Variants in USP15 observed in about 807,000 individuals in gnomAD.
USP15 encodes the protein ubiquitin carboxyl-terminal hydrolase 15.
A neutral mutation model predicts 127.1 loss-of-function variants in USP15; 18 were observed. The ratio of observed to expected loss-of-function variants is 0.14; its 90% CI spans 0.10 to 0.21. The LOEUF (loss-of-function observed/expected upper bound fraction) is 0.21. Among genes scored for constraint, USP15 ranks in the 10% least tolerant of loss-of-function variants. USP15 has a pLI of 1.00. For missense variants in USP15, 805 were observed against 1,159.9 expected (o/e 0.69, Z 4.44); for synonymous variants, 364 against 393.7 (o/e 0.92, Z 0.89).
Position 62,389,453 on chromosome 12 carries a change from T to C in USP15, c.1496T>C (p.Ile499Thr), listed in dbSNP as rs749715727. The C allele has an allele frequency of 2.5e-6, 4 of 1,611,934 alleles. No homozygotes were observed. Among genetic ancestry groups the C allele is most frequent in the African/African-American group, 1.3e-5 (1 of 74,818 alleles). ...PMQYKVVVPK[I>T]GNILDLCTAL... ...TAGTACAAAGTGGTTGTCCCCAAAA[T>C]TGGAAACATATTAGATCTTTGTACA... is the stretch of plus-strand genomic sequence containing the variant. Residue 499 changes from isoleucine (I) to threonine (T), a missense_variant, in exon 12 of 22, where the codon ATT (isoleucine) becomes ACT (threonine). Transcript: ENST00000280377.
At chr12:62,320,716 G>T (rs1455809609) in intron 4 of USP15, among the ~76,000 whole-genome samples, 1 of 151,898 alleles carries the variant, frequency 6.6e-6, no homozygotes, top group South Asian at 2.1e-4. Flanking sequence ...GATAGATGTG[G>T]GTTTTCATAT....
chr12:62,370,087 G>C (rs557119055), intron 8 of USP15, among the ~76,000 whole-genome samples: 1 of 152,226 alleles, frequency 6.6e-6, no homozygotes, highest in African/African-American at 2.4e-5. Flanking sequence ...CGATTCTCCT[G>C]CTTTAGCCTC....
At chr12:62,288,930 G>A (rs59663650) in intron 1 of USP15, among the ~76,000 whole-genome samples, 3,005 of 152,166 alleles carry the variant, frequency 0.02, 87 homozygotes, top group African/African-American at 0.068. Flanking sequence ...TGCGTGCCTG[G>A]AGTAAAACCC....
intron 2 of USP15, among the ~76,000 whole-genome samples, chr12:62,301,005 TAC>T (rs2064300804): frequency 6.6e-6 from 1 of 152,134 alleles, no homozygotes; most frequent in Non-Finnish European, 1.5e-5. Flanking sequence ...TTGTAGAATA[TAC>T]AGTTTATAAA....
intron 8 of USP15, among the ~76,000 whole-genome samples, chr12:62,377,784 A>T (rs2066875580): frequency 6.6e-6 from 1 of 151,600 alleles, no homozygotes; most frequent in African/African-American, 2.4e-5. Flanking sequence ...TTGAATACTG[A>T]TATAACATCA....
At chr12:62,363,683 C>T (rs772735497) in intron 8 of USP15, among the ~76,000 whole-genome samples, 4 of 151,990 alleles carry the variant, frequency 2.6e-5, no homozygotes, top group African/African-American at 9.7e-5. Context: ...CCTCTCCCCG[C>T]GTCCCCACCC....
chr12:62,320,749 TAAGTTTA>T (rs1450703614), intron 4 of USP15, among the ~76,000 whole-genome samples: 1 of 152,066 alleles, frequency 6.6e-6, no homozygotes, highest in Non-Finnish European at 1.5e-5. Context: ...CGTATATTAT[TAAGTTTA>T]ATATTTTATA....
At chr12:62,303,604 TCC>T (rs1453853809) in intron 3 of USP15, 1 of 146,776 alleles carries the variant, frequency 6.8e-6, no homozygotes, top group African/African-American at 2.5e-5. Context: ...CCCCCGACCC[TCC>T]CCCCATCCCC....
intron 8 of USP15, among the ~76,000 whole-genome samples, chr12:62,376,176 G>GACTA (rs202025177): frequency 0.34 from 51,873 of 151,416 alleles, 10,506 homozygotes; most frequent in East Asian, 0.46. Flanking sequence ...TCAGTTTTGT[G>GACTA]TGCTAATAAC....
At chr12:62,281,768 A>G (rs1417030030) in intron 1 of USP15, among the ~76,000 whole-genome samples, 3 of 152,230 alleles carry the variant, frequency 2.0e-5, no homozygotes, top group Non-Finnish European at 2.9e-5. Context: ...ATCAAATGGG[A>G]AAGTCTCCTA....
At chr12:62,390,063 C>T (rs17097891) in intron 14 of USP15, 75 bp downstream of exon 14, 400,345 of 1,326,602 alleles carry the variant, frequency 0.3, 64,221 homozygotes, top group East Asian at 0.43. Context: ...AAAATAAACA[C>T]ATAAGGTACT....
Position 62,416,389 on chromosome 12 carries a change from A to T in USP15, c.*12014A>T, listed in dbSNP as rs2068154889. The T allele has an allele frequency of 1.3e-5, 2 of 152,234 alleles. No homozygotes were observed. The highest frequency in any genetic ancestry group is 4.1e-4 in the South Asian group (2 of 4,836). The allele number at this position is 152,234 out of a possible 1,614,324, so 9.4% of individuals were successfully genotyped here. On this transcript the variant is annotated 3_prime_UTR_variant, in exon 22 of 22. Coordinates refer to ENST00000280377, the MANE Select transcript of USP15 (RefSeq NM_001252078.2). ...AAAGTTATTAAACAAGTTTTCTGAA[A>T]GTCTGAAGCTTTATTGTGTTTATTG...
At chr12:62,333,786 T>C (rs1309901989) in intron 6 of USP15, among the ~76,000 whole-genome samples, 1 of 152,128 alleles carries the variant, frequency 6.6e-6, no homozygotes, top group African/African-American at 2.4e-5. Context: ...GAACTGCAGG[T>C]ATGGAGTCAT....
intron 8 of USP15, among the ~76,000 whole-genome samples, chr12:62,374,787 A>G (rs545905056): frequency 2.0e-5 from 3 of 152,138 alleles, no homozygotes; most frequent in Non-Finnish European, 2.9e-5. Context: ...TAGTAGAAGT[A>G]CTTTCTGAAA....
intron 11 of USP15, among the ~76,000 whole-genome samples, chr12:62,386,865 G>C (rs2067165372): frequency 6.6e-6 from 1 of 152,168 alleles, no homozygotes. Context: ...AGCTTTTAAT[G>C]ATCAGACGAC....
At chr12:62,364,997 G>A (rs1436028500) in intron 8 of USP15, among the ~76,000 whole-genome samples, 1 of 152,124 alleles carries the variant, frequency 6.6e-6, no homozygotes, top group Non-Finnish European at 1.5e-5. Flanking sequence ...TTGCTATTGT[G>A]AAAAGTGCCG....
At chr12:62,403,903 G>C (rs11174461) in intron 21 of USP15, among the ~76,000 whole-genome samples, 6 of 151,922 alleles carry the variant, frequency 3.9e-5, no homozygotes, top group African/African-American at 1.4e-4. Context: ...CTATTTTTAC[G>C]TTAGAATTGT....
At chr12:62,283,849 C>T (rs571600314) in intron 1 of USP15, among the ~76,000 whole-genome samples, 2 of 152,082 alleles carry the variant, frequency 1.3e-5, no homozygotes, top group Non-Finnish European at 2.9e-5. Flanking sequence ...GGCTGAGGCA[C>T]GAGAATTGCT....
At chr12:62,287,823 C>G (rs1338185144) in intron 1 of USP15, among the ~76,000 whole-genome samples, 1 of 152,076 alleles carries the variant, frequency 6.6e-6, no homozygotes, top group East Asian at 1.9e-4. Context: ...ATCCAGTTTT[C>G]CCTGTACCAT....
Sources: allele counts gnomAD v4.1 joint callset (sites outside exome capture counted in the v4.1 genomes callset), GRCh38; gene constraint gnomAD v4.1.1; transcripts MANE v1.5; gene names NCBI Gene and HGNC (gene_info 2026-07-23, HGNC 2026-07-21).